The following NKAIN3 variants were observed in gnomAD, a reference collection of about 807,000 sequenced individuals.
NKAIN3 encodes the protein sodium/potassium transporting ATPase interacting 3.
In NKAIN3, 25 loss-of-function variants were observed where a neutral mutation model predicts 30.2. That is an observed-to-expected ratio of 0.83 (90% CI 0.60 to 1.16). The LOEUF (loss-of-function observed/expected upper bound fraction) is 1.16. NKAIN3 is among the 50% of genes most tolerant of loss of function. The probability of loss-of-function intolerance (pLI) is 0.00; values close to 1 mark genes in which losing one functional copy is unlikely to be tolerated. For synonymous variants in NKAIN3, 91 were observed against 89.6 expected (o/e 1.02, Z -0.09); for missense variants, 225 against 254.1 (o/e 0.89, Z 0.78).
At chr8:62,543,812 A>G (rs1309533354) in intron 1 of NKAIN3, among the ~76,000 whole-genome samples, 1 of 152,172 alleles carries the variant, frequency 6.6e-6, no homozygotes, top group Non-Finnish European at 1.5e-5. Context: ...GTTTGGTAAA[A>G]TATAACTGTT....
At chr8:62,675,248 C>T (rs950511540) in intron 3 of NKAIN3, among the ~76,000 whole-genome samples, 2 of 152,122 alleles carry the variant, frequency 1.3e-5, no homozygotes, top group African/African-American at 4.8e-5. Flanking sequence ...GTAGCAAGAC[C>T]TTTATCCTGT....
At chr8:62,907,740 T>C (rs1349946708) in intron 4 of NKAIN3, among the ~76,000 whole-genome samples, 1 of 152,198 alleles carries the variant, frequency 6.6e-6, no homozygotes, top group Non-Finnish European at 1.5e-5. Flanking sequence ...AATTAAGAAC[T>C]GAGGTTTGAG....
chr8:62,844,097 T>C (rs1334537693), intron 4 of NKAIN3, among the ~76,000 whole-genome samples: 2 of 152,172 alleles, frequency 1.3e-5, no homozygotes, highest in Non-Finnish European at 2.9e-5. Context: ...GTAGTAACAG[T>C]AGTTGCCAAT....
chr8:62,734,527 A>G lies in NKAIN3; in HGVS notation c.274-12405A>G, dbSNP rs191890042. 1.2e-4 allele frequency among the ~76,000 whole-genome samples: 19 copies of G among 152,264 alleles called. No homozygotes were observed. The East Asian group carries it at 3.5e-3, about 28-fold the overall frequency. ...AAGGAATGTTTGAATTTCCCCTGAT[A>G]AGTCAGGAAGAATGCTTGAACCCAT... On this transcript the variant is annotated intron_variant, in intron 3 of 6. Coordinates refer to ENST00000623646, the MANE Select transcript of NKAIN3 (RefSeq NM_001304533.3).
At chr8:62,494,708 G>C (rs1197697832) in intron 1 of NKAIN3, among the ~76,000 whole-genome samples, 1 of 151,956 alleles carries the variant, frequency 6.6e-6, no homozygotes, top group African/African-American at 2.4e-5. Flanking sequence ...TTGGTTCAGG[G>C]AATCAATTTC....
chr8:62,341,001 A>T (rs2129590958), intron 1 of NKAIN3, among the ~76,000 whole-genome samples: 1 of 152,192 alleles, frequency 6.6e-6, no homozygotes, highest in African/African-American at 2.4e-5. Flanking sequence ...TAAAGTACTT[A>T]CATTTTTATT....
chr8:62,793,834 A>G (rs1817769807), intron 4 of NKAIN3, among the ~76,000 whole-genome samples: 1 of 152,180 alleles, frequency 6.6e-6, no homozygotes, highest in Non-Finnish European at 1.5e-5. Context: ...AATGTCTATA[A>G]TCTTCATCAA....
At chr8:62,795,600 T>C (rs1403042413) in intron 4 of NKAIN3, among the ~76,000 whole-genome samples, 3 of 144,796 alleles carry the variant, frequency 2.1e-5, no homozygotes, top group African/African-American at 8.5e-5. Context: ...TCTTTTGTCT[T>C]TTTTTTTAGC....
At chr8:62,503,948 A>G (rs540883025) in intron 1 of NKAIN3, among the ~76,000 whole-genome samples, 28 of 152,328 alleles carry the variant, frequency 1.8e-4, no homozygotes, top group African/African-American at 6.7e-4. Context: ...GTTTACGAAG[A>G]TAACAGGATT....
chr8:62,852,267 G>C (rs1217206107), intron 4 of NKAIN3, among the ~76,000 whole-genome samples: 2 of 152,076 alleles, frequency 1.3e-5, no homozygotes. Flanking sequence ...TATCTCTGAT[G>C]GTAGTTTATA....
intron 1 of NKAIN3, among the ~76,000 whole-genome samples, chr8:62,480,741 T>C (rs1806693358): frequency 6.6e-6 from 1 of 152,078 alleles, no homozygotes; most frequent in African/African-American, 2.4e-5. Flanking sequence ...AGTCTTTCTT[T>C]AAAGCTAGAA....
At chr8:62,854,451 T>G (rs1038650719) in intron 4 of NKAIN3, among the ~76,000 whole-genome samples, 1 of 152,238 alleles carries the variant, frequency 6.6e-6, no homozygotes, top group African/African-American at 2.4e-5. Flanking sequence ...CATTATGTAA[T>G]GCCCTTTTCT....
chr8:62,521,006 T>A lies in NKAIN3; in HGVS notation c.55-58533T>A, dbSNP rs116108458. Among the ~76,000 whole-genome samples, 656 of 151,722 alleles carry A rather than the reference T, an allele frequency of 4.3e-3. 4 individuals are homozygous for A. The highest frequency in any genetic ancestry group is 0.015 in the African/African-American group (616 of 41,358). ...TAGAGGGGCCCTTCTCCATCTCAGA[T>A]GACAGCTAGACACAGATAAATGGAT... On this transcript the variant is annotated intron_variant, in intron 1 of 6. Coordinates refer to ENST00000623646, the MANE Select transcript of NKAIN3 (RefSeq NM_001304533.3).
intron 4 of NKAIN3, among the ~76,000 whole-genome samples, chr8:62,892,046 T>A (rs1004900292): frequency 6.6e-6 from 1 of 152,198 alleles, no homozygotes; most frequent in African/African-American, 2.4e-5. Context: ...CTAGGGCTGA[T>A]GAAGATGGGT....
At chr8:62,401,665 T>C (rs1234646809) in intron 1 of NKAIN3, among the ~76,000 whole-genome samples, 1 of 152,200 alleles carries the variant, frequency 6.6e-6, no homozygotes, top group Non-Finnish European at 1.5e-5. Context: ...GCCCAGTAAC[T>C]CGAAGGATCT....
intron 5 of NKAIN3, among the ~76,000 whole-genome samples, chr8:62,923,929 A>T (rs1822359136): frequency 6.6e-6 from 1 of 152,222 alleles, no homozygotes; most frequent in South Asian, 2.1e-4. Context: ...TGCCCAAACC[A>T]GCAAACCAAC....
chr8:62,632,945 T>A (rs1812011128), intron 3 of NKAIN3, among the ~76,000 whole-genome samples: 1 of 152,176 alleles, frequency 6.6e-6, no homozygotes, highest in African/African-American at 2.4e-5. Flanking sequence ...CTCTATTTTA[T>A]GCTGCAATGC....
intron 4 of NKAIN3, among the ~76,000 whole-genome samples, chr8:62,808,702 A>T (rs1419106978): frequency 6.6e-6 from 1 of 152,162 alleles, no homozygotes; most frequent in Non-Finnish European, 1.5e-5. Context: ...CACAGAGATC[A>T]CATGCTTCAC....
chr8:62,925,196 G>T (rs371753448), intron 5 of NKAIN3, among the ~76,000 whole-genome samples: 18 of 152,254 alleles, frequency 1.2e-4, no homozygotes, highest in African/African-American at 3.8e-4. Flanking sequence ...AAAAGGTGGA[G>T]ATCATATCTT....
Sources: allele counts gnomAD v4.1 joint callset (sites outside exome capture counted in the v4.1 genomes callset), GRCh38; gene constraint gnomAD v4.1.1; transcripts MANE v1.5; gene names NCBI Gene and HGNC (gene_info 2026-07-23, HGNC 2026-07-21).